PTBP3: variants seen among roughly 807,000 people sequenced by gnomAD.
The protein encoded by PTBP3 is polypyrimidine tract binding protein 3.
PTBP3 carries 20 observed loss-of-function variants against 58.7 expected under a neutral mutation model. That is an observed-to-expected ratio of 0.34 (90% CI 0.24 to 0.50). PTBP3 has a LOEUF of 0.50. Among genes scored for constraint, PTBP3 ranks in the 20% least tolerant of loss-of-function variants. The pLI is 0.98. For missense variants in PTBP3, 509 were observed against 637.2 expected (o/e 0.80, Z 2.17); for synonymous variants, 185 against 219.8 (o/e 0.84, Z 1.40).
intron 7 of PTBP3, among the ~76,000 whole-genome samples, chr9:112,237,994 T>C (rs116593360): frequency 0.014 from 2,153 of 152,244 alleles, 45 homozygotes; most frequent in African/African-American, 0.047. Context: ...CGTAGAGCCT[T>C]TAATGCTGCA....
intron 2 of PTBP3, among the ~76,000 whole-genome samples, chr9:112,292,827 G>T (rs1056361945): frequency 1.3e-5 from 2 of 152,124 alleles, no homozygotes; most frequent in African/African-American, 4.8e-5. Flanking sequence ...AACTTCTAGC[G>T]ATCTGTTGTA....
intron 1 of PTBP3, among the ~76,000 whole-genome samples, chr9:112,321,313 G>A (rs1170682712): frequency 6.6e-6 from 1 of 151,762 alleles, no homozygotes. Flanking sequence ...GGTGGATCAC[G>A]AGGTCAGGAG....
chr9:112,379,837 A>AC, the PTBP3 span: 1 of 506,496 alleles, frequency 2.0e-6, no homozygotes, highest in South Asian at 2.3e-5. Flanking sequence ...GACGCTGCCC[A>AC]GACGCTAGGC....
chr9:112,262,672 T>A, intron 4 of PTBP3, 73 bp from the exon 5 acceptor site: 3 of 1,351,928 alleles, frequency 2.2e-6, no homozygotes, highest in Non-Finnish European at 2.9e-6. Context: ...TTAGTTGACA[T>A]AAAACAGTAT....
intron 2 of PTBP3, among the ~76,000 whole-genome samples, chr9:112,291,638 T>C (rs1024323838): frequency 7.2e-5 from 11 of 152,192 alleles, no homozygotes; most frequent in Non-Finnish European, 1.0e-4. Flanking sequence ...CTTCAACATA[T>C]GGTGCTGGTA....
At chr9:112,242,993 A>G (rs552765697) in intron 7 of PTBP3, among the ~76,000 whole-genome samples, 1 of 152,316 alleles carries the variant, frequency 6.6e-6, no homozygotes, top group African/African-American at 2.4e-5. Flanking sequence ...TAGATTGGCA[A>G]CTTTGTTGAA....
intron 2 of PTBP3, among the ~76,000 whole-genome samples, chr9:112,286,129 C>T (rs549245893): frequency 1.1e-4 from 17 of 152,160 alleles, no homozygotes; most frequent in Non-Finnish European, 2.2e-4. Context: ...GCTAACTACT[C>T]CAGCATTTTT....
chr9:112,290,713 C>CACAAACACAG (rs146203690), intron 2 of PTBP3, among the ~76,000 whole-genome samples: 1 of 142,398 alleles, frequency 7.0e-6, no homozygotes, highest in African/African-American at 2.6e-5. Context: ...TATATACACA[C>CACAAACACAG]ACACACACAC....
At chr9:112,265,420 T>C (rs1331137098) in intron 4 of PTBP3, among the ~76,000 whole-genome samples, 1 of 106,062 alleles carries the variant, frequency 9.4e-6, no homozygotes, top group African/African-American at 3.7e-5. Context: ...GGAGAATCGC[T>C]TGAACCCGGC....
Position 112,238,139 on chromosome 9 carries a change from T to C in PTBP3, c.803-3242A>G, listed in dbSNP as rs114148451. Among the ~76,000 whole-genome samples, 707 of 151,896 alleles carry C rather than the reference T, an allele frequency of 4.7e-3. 6 individuals carry two copies. The highest frequency in any genetic ancestry group is 0.016 in the African/African-American group (676 of 41,452). ...AAAAAAACCCAAAAAGTCAGAAATA[T>C]CTAAGCAGAAAGAAAATTGCAAAAA... On this transcript the variant is annotated intron_variant, in intron 7 of 13. Coordinates refer to ENST00000374257, the MANE Select transcript of PTBP3 (RefSeq NM_001163788.4).
chr9:112,332,983 G>A (rs1830439239), intron 1 of PTBP3: 4 of 1,321,950 alleles, frequency 3.0e-6, no homozygotes, highest in Admixed American at 3.8e-5. Flanking sequence ...CCGCCCAGAC[G>A]TGTACCGACG....
At chr9:112,284,571 C>T (rs1828024354) in intron 2 of PTBP3, among the ~76,000 whole-genome samples, 1 of 152,172 alleles carries the variant, frequency 6.6e-6, no homozygotes, top group African/African-American at 2.4e-5. Flanking sequence ...TGATGTGCAC[C>T]TGTAGTCCCA....
chr9:112,360,779 C>CT, the PTBP3 span, among the ~76,000 whole-genome samples: 512 of 146,970 alleles, frequency 3.5e-3, 5 homozygotes, highest in African/African-American at 0.011. Flanking sequence ...TTAGAATCAA[C>CT]TTTTTTTTTT....
the PTBP3 span, among the ~76,000 whole-genome samples, chr9:112,357,382 G>A: frequency 6.6e-6 from 1 of 152,098 alleles, no homozygotes; most frequent in East Asian, 1.9e-4. Context: ...GCAGGGTCTT[G>A]CTCTGTCATC....
chr9:112,357,764 AT>A, the PTBP3 span, among the ~76,000 whole-genome samples: 15 of 151,428 alleles, frequency 9.9e-5, no homozygotes, highest in African/African-American at 3.6e-4. Flanking sequence ...CTTTCTTTCT[AT>A]TTTTTTATGA....
At chr9:112,313,007 G>A (rs1829553854) in intron 1 of PTBP3, among the ~76,000 whole-genome samples, 1 of 151,862 alleles carries the variant, frequency 6.6e-6, no homozygotes, top group South Asian at 2.1e-4. Context: ...TTGTGCCACT[G>A]CACTCCAGAC....
intron 2 of PTBP3, among the ~76,000 whole-genome samples, chr9:112,290,025 A>G (rs906972646): frequency 6.6e-6 from 1 of 152,238 alleles, no homozygotes; most frequent in Non-Finnish European, 1.5e-5. Context: ...AACATTTCTA[A>G]TAAGATGCAA....
intron 5 of PTBP3, among the ~76,000 whole-genome samples, chr9:112,253,512 T>G (rs73537726): frequency 6.6e-6 from 1 of 152,142 alleles, no homozygotes; most frequent in African/African-American, 2.4e-5. Context: ...TTACTATTAA[T>G]AGTAACTCAT....
At chr9:112,229,013 A>G (rs934549596) in intron 10 of PTBP3, among the ~76,000 whole-genome samples, 1 of 152,132 alleles carries the variant, frequency 6.6e-6, no homozygotes, top group African/African-American at 2.4e-5. Context: ...GTGTTCCCCA[A>G]AGTGGGTCCC....
Sources: allele counts gnomAD v4.1 joint callset (sites outside exome capture counted in the v4.1 genomes callset), GRCh38; gene constraint gnomAD v4.1.1; transcripts MANE v1.5; gene names NCBI Gene and HGNC (gene_info 2026-07-23, HGNC 2026-07-21).